The following COL5A2 variants were observed in gnomAD, a reference collection of about 807,000 sequenced individuals.
COL5A2 encodes collagen alpha-2(V) chain.
In COL5A2, 23 loss-of-function variants were observed where a neutral mutation model predicts 208.2. The ratio of observed to expected loss-of-function variants is 0.11; its 90% CI spans 0.08 to 0.16. The LOEUF is 0.16. COL5A2 is among the 10% of genes least tolerant of loss of function. The pLI is 1.00. For missense variants in COL5A2, 1,590 were observed against 1,956.4 expected, an observed-to-expected ratio of 0.81 and a Z score of 3.53; for synonymous variants, 625 against 628.5, an observed-to-expected ratio of 0.99 and a Z score of 0.08.
intron 1 of COL5A2, among the ~76,000 whole-genome samples, chr2:189,119,904 G>T (rs960321424): frequency 6.6e-6 from 1 of 152,004 alleles, no homozygotes; most frequent in East Asian, 1.9e-4. Flanking sequence ...TGAAAAGTGT[G>T]CCTCAGTTTT....
chr2:189,107,064 T>C (rs1040979473), intron 2 of COL5A2, among the ~76,000 whole-genome samples: 1 of 151,516 alleles, frequency 6.6e-6, no homozygotes, highest in East Asian at 1.9e-4. Context: ...CTGTAAATAA[T>C]ATACTTCCTT....
At chr2:189,045,090 T>A in intron 47 of COL5A2, 89 bp downstream of exon 47, 1 of 834,968 alleles carries the variant, frequency 1.2e-6, no homozygotes. Flanking sequence ...AATTTCATAT[T>A]TTTCAGTTAT....
the COL5A2 span, among the ~76,000 whole-genome samples, chr2:189,412,353 C>T: frequency 6.6e-6 from 1 of 152,140 alleles, no homozygotes; most frequent in Non-Finnish European, 1.5e-5. Flanking sequence ...TACTTTTGTA[C>T]ATAAAGACCA....
At position 189,085,338 on chromosome 2, in the gene COL5A2, A is replaced by G. The variant is rs368353453; in HGVS notation, c.745-125T>C. 41 of 923,944 alleles carry G rather than the reference A, an allele frequency of 4.4e-5. No homozygotes were observed. In the East Asian group the frequency reaches 9.7e-4, roughly 22 times the overall value. The allele number at this position is 923,944 out of a possible 1,614,324, so 57.2% of individuals were successfully genotyped here. ...TTATTGAAACAAATGAAAATGATAA[A>G]TATTGTTGAGACAGAGAAAATAGTT... On this transcript the variant is annotated intron_variant, in intron 10 of 53. Transcript: ENST00000374866.
chr2:189,058,340 A>C, intron 33 of COL5A2, 89 bp downstream of exon 33: 1 of 1,044,842 alleles, frequency 9.6e-7, no homozygotes, highest in Non-Finnish European at 1.5e-6. Flanking sequence ...TCTTTCAAAA[A>C]CAAGACAAAT....
chr2:189,158,508 A>C (rs749831731), intron 1 of COL5A2, among the ~76,000 whole-genome samples: 2 of 152,102 alleles, frequency 1.3e-5, no homozygotes, highest in Non-Finnish European at 2.9e-5. Flanking sequence ...CTACTGTGAA[A>C]TTAGTTCAGA....
chr2:189,268,394 C>G, the COL5A2 span, among the ~76,000 whole-genome samples: 1 of 152,106 alleles, frequency 6.6e-6, no homozygotes, highest in Non-Finnish European at 1.5e-5. Flanking sequence ...TAAATTGTTT[C>G]CAGACCTCAT....
chr2:189,061,502 T>A lies in COL5A2; in HGVS notation c.2031+60A>T, dbSNP rs560894960. ...AATCTTCTGACCATATCTTTTTTTT[T>A]AAAAAAAAAAAGCATTTTAGTTAAT... On this transcript the variant is annotated intron_variant, in intron 30 of 53. Coordinates refer to ENST00000374866, the MANE Select transcript of COL5A2 (RefSeq NM_000393.5). 0.033 allele frequency: 32,365 copies of A among 993,820 alleles called. 262 individuals are homozygous for A. Among genetic ancestry groups the A allele is most frequent in the Non-Finnish European group, 0.034 (22,796 of 674,590 alleles). 61.6% of individuals were successfully genotyped at this position (993,820 alleles called of 1,614,324 possible). A position where few individuals can be genotyped will look rare whatever the true frequency, so the allele number is the denominator to read the frequency against.
Position 189,068,248 on chromosome 2 carries a change from G to A in COL5A2, c.1280C>T (p.Thr427Ile). 6.2e-7 allele frequency: 1 copy of A among 1,613,618 alleles called. No individual in the cohort carries two copies. Among genetic ancestry groups the A allele is most frequent in the Non-Finnish European group, 8.5e-7 (1 of 1,179,590 alleles). The change falls in exon 20 of 54, where the codon ACT becomes ATT. Residue 427 changes from threonine to isoleucine, a missense_variant. By Grantham distance (89) the Thr-to-Ile change is moderately conservative (BLOSUM62 -1). Transcript: ENST00000374866. ...CACCGTTGGGCCTTTGGCACCAGGA[G>A]TACCATCAGTTCCTATTGCACCCTA... ...GLPGAIGTDG[T>I]PGAKGPTGSP...
the COL5A2 span, among the ~76,000 whole-genome samples, chr2:189,269,637 G>A: frequency 2.6e-5 from 4 of 152,142 alleles, no homozygotes; most frequent in Non-Finnish European, 5.9e-5. Flanking sequence ...GATTTGGTTT[G>A]CCAATATTTT....
intron 4 of COL5A2, 78 bp from the exon 5 acceptor site, chr2:189,098,837 TAAC>T: frequency 1.9e-6 from 2 of 1,062,150 alleles, no homozygotes; most frequent in South Asian, 2.6e-5. Context: ...CAAATAAGAA[TAAC>T]AACAAAAACC....
the COL5A2 span, among the ~76,000 whole-genome samples, chr2:189,398,518 CTCTT>C: frequency 1.3e-5 from 2 of 152,082 alleles, no homozygotes; most frequent in African/African-American, 2.4e-5. Context: ...TTACTTATCT[CTCTT>C]TATCACCTAT....
the COL5A2 span, among the ~76,000 whole-genome samples, chr2:189,333,767 C>T: frequency 1.3e-5 from 2 of 151,918 alleles, no homozygotes; most frequent in African/African-American, 4.8e-5. Context: ...AGAAGAGAAG[C>T]CTCAAAAGAA....
At chr2:189,148,881 T>A (rs760261195) in intron 1 of COL5A2, among the ~76,000 whole-genome samples, 2 of 152,352 alleles carry the variant, frequency 1.3e-5, no homozygotes, top group South Asian at 4.1e-4. Flanking sequence ...GGCTCACGCC[T>A]GTAATCCCAG....
chr2:189,173,559 C>T (rs995011378), intron 1 of COL5A2, among the ~76,000 whole-genome samples: 5 of 151,832 alleles, frequency 3.3e-5, no homozygotes, highest in African/African-American at 4.8e-5. Flanking sequence ...ATTCATCTTA[C>T]GTAAAATTTA....
the COL5A2 span, among the ~76,000 whole-genome samples, chr2:189,273,930 A>G: frequency 6.6e-6 from 1 of 152,122 alleles, no homozygotes; most frequent in Non-Finnish European, 1.5e-5. Context: ...GATCTATTGC[A>G]TAACATGGTG....
intron 1 of COL5A2, among the ~76,000 whole-genome samples, chr2:189,166,328 G>A (rs1688462824): frequency 6.6e-6 from 1 of 151,590 alleles, no homozygotes; most frequent in South Asian, 2.1e-4. Context: ...AAGACAGGTT[G>A]AATTTTTTTT....
chr2:189,224,842 A>T (rs1689393006), intron 1 of COL5A2, among the ~76,000 whole-genome samples: 1 of 152,194 alleles, frequency 6.6e-6, no homozygotes, highest in South Asian at 2.1e-4. Context: ...ATATAAAAAA[A>T]AACTGGAGGA....
chr2:189,073,892 A>G (rs1170952406), intron 17 of COL5A2, among the ~76,000 whole-genome samples: 1 of 152,170 alleles, frequency 6.6e-6, no homozygotes, highest in Admixed American at 6.5e-5. Flanking sequence ...ATAATAGTAG[A>G]GACCTTGATC....
Sources: gnomAD v4.1 joint callset for allele counts (sites outside exome capture counted in the v4.1 genomes callset) on GRCh38, gnomAD v4.1.1 for gene constraint, MANE v1.5 for transcripts, NCBI Gene and HGNC (gene_info 2026-07-23, HGNC 2026-07-21) for gene names.